Variants in CUL1 observed in about 807,000 individuals in gnomAD.
CUL1 encodes the protein cullin 1.
In CUL1, 24 loss-of-function variants were observed where a neutral mutation model predicts 118.0. The ratio of observed to expected loss-of-function variants is 0.20; its 90% confidence interval spans 0.15 to 0.29. The LOEUF (loss-of-function observed/expected upper bound fraction) is 0.29, where lower values mean the gene tolerates loss of function less well. Among genes scored for constraint, CUL1 ranks in the 10% least tolerant of loss-of-function variants. The pLI is 1.00. For synonymous variants in CUL1, 332 were observed against 340.4 expected, an observed-to-expected ratio of 0.98 and a Z score of 0.27; for missense variants, 361 against 933.8, an observed-to-expected ratio of 0.39 and a Z score of 7.99.
At chr7:148,757,715 T>A (rs1292420078) in intron 4 of CUL1, among the ~76,000 whole-genome samples, 1 of 152,148 alleles carries the variant, frequency 6.6e-6, no homozygotes, top group Admixed American at 6.5e-5. Flanking sequence ...TGAGACTGGG[T>A]AATTTATAAA....
rs34059323 is a variant in CUL1 at position 148,799,527 on chromosome 7, G to A, written c.2250+139G>A. The A allele has an allele frequency of 0.015, 9,488 of 623,132 alleles. 136 individuals are homozygous for A. Among genetic ancestry groups the A allele is most frequent in the Non-Finnish European group, 0.019 (6,681 of 354,850 alleles). The allele number at this position is 623,132 out of a possible 1,614,324, so 38.6% of individuals were successfully genotyped here. A position where few individuals can be genotyped will look rare whatever the true frequency, so the allele number is the denominator to read the frequency against. On this transcript the variant is annotated intron_variant, in intron 21 of 21. Transcript: ENST00000325222. ...ATGTAGATTTCTATAAAAGAAAGTC[G>A]GCTTCAGTTTAACTGTTGAAACACA...
At chr7:148,742,265 C>A (rs572085856) in intron 2 of CUL1, among the ~76,000 whole-genome samples, 1 of 152,140 alleles carries the variant, frequency 6.6e-6, no homozygotes, top group Admixed American at 6.5e-5. Flanking sequence ...AGAGGTTTAA[C>A]GGACTCAGAG....
chr7:148,765,974 G>T (rs1799990100), intron 7 of CUL1, among the ~76,000 whole-genome samples: 1 of 152,184 alleles, frequency 6.6e-6, no homozygotes, highest in African/African-American at 2.4e-5. Context: ...GGATCAAAAT[G>T]ATGTAAAGAC....
intron 9 of CUL1, among the ~76,000 whole-genome samples, chr7:148,769,407 A>T (rs1800129707): frequency 7.3e-6 from 1 of 136,608 alleles, no homozygotes; most frequent in East Asian, 2.2e-4. Flanking sequence ...TCACACACAC[A>T]CACACACACA....
intron 1 of CUL1, among the ~76,000 whole-genome samples, chr7:148,706,028 A>G (rs1414323578): frequency 1.3e-5 from 2 of 152,136 alleles, no homozygotes; most frequent in African/African-American, 4.8e-5. Context: ...GGATCATTTC[A>G]CCCCGACCTC....
At chr7:148,740,298 A>G (rs1368308525) in intron 2 of CUL1, among the ~76,000 whole-genome samples, 3 of 151,948 alleles carry the variant, frequency 2.0e-5, no homozygotes, top group African/African-American at 4.8e-5. Context: ...CCAGTAATCC[A>G]CCTACCTCGG....
chr7:148,760,100 C>T (rs1041358700), intron 6 of CUL1, among the ~76,000 whole-genome samples: 1 of 152,180 alleles, frequency 6.6e-6, no homozygotes. Context: ...AATTTTGAAG[C>T]ATACCTGGCC....
chr7:148,796,396 T>G (rs1316607673), intron 17 of CUL1, among the ~76,000 whole-genome samples: 1 of 152,208 alleles, frequency 6.6e-6, no homozygotes, highest in Non-Finnish European at 1.5e-5. Flanking sequence ...TGCATTTATA[T>G]TCATAAGGGA....
chr7:148,770,805 T>C (rs1386183190), intron 9 of CUL1, among the ~76,000 whole-genome samples: 1 of 152,358 alleles, frequency 6.6e-6, no homozygotes, highest in South Asian at 2.1e-4. Context: ...ACAAATACTT[T>C]TAAATAGGTT....
chr7:148,765,501 G>A (rs1799975855), intron 7 of CUL1, among the ~76,000 whole-genome samples: 1 of 152,130 alleles, frequency 6.6e-6, no homozygotes, highest in Non-Finnish European at 1.5e-5. Context: ...ATGGCGGCAT[G>A]CACCTGTAGT....
At chr7:148,722,030 T>C (rs568681058) in intron 1 of CUL1, among the ~76,000 whole-genome samples, 155 of 152,352 alleles carry the variant, frequency 1.0e-3, no homozygotes, top group African/African-American at 3.2e-3. Context: ...CTTAAAGTTT[T>C]AATAAGTTAT....
Position 148,799,447 on chromosome 7 carries a change from G to A in CUL1, c.2250+59G>A. 9 of 1,157,802 alleles carry A rather than the reference G, an allele frequency of 7.8e-6. No individual in the cohort carries two copies. In the Admixed American group the frequency reaches 9.6e-5, roughly 12 times the overall value. 71.7% of individuals were successfully genotyped at this position (1,157,802 alleles called of 1,614,324 possible). Reference sequence around the variant, plus strand: ...CTTAATTTAGAAGATAAAAGATGTAGCAAAAAGTGGATTGATTGCTGTAGC... The same window carrying A: ...CTTAATTTAGAAGATAAAAGATGTAACAAAAAGTGGATTGATTGCTGTAGC... On this transcript the variant is annotated intron_variant, in intron 21 of 21. Coordinates refer to ENST00000325222, the MANE Select transcript of CUL1 (RefSeq NM_003592.3).
intron 1 of CUL1, among the ~76,000 whole-genome samples, chr7:148,699,443 G>T (rs1327626848): frequency 2.0e-5 from 3 of 152,076 alleles, no homozygotes; most frequent in African/African-American, 7.2e-5. Context: ...CTCGCCTGGT[G>T]AGGCGACCTC....
intron 17 of CUL1, 55 bp from the exon 18 acceptor site, chr7:148,797,757 T>C: frequency 3.6e-6 from 5 of 1,400,600 alleles, no homozygotes; most frequent in East Asian, 4.6e-5. Context: ...GTGGTGGTTA[T>C]TGCAAAGAAA....
At chr7:148,725,367 G>C (rs1798544396) in intron 1 of CUL1, among the ~76,000 whole-genome samples, 1 of 152,200 alleles carries the variant, frequency 6.6e-6, no homozygotes, top group Admixed American at 6.5e-5. Flanking sequence ...TTGACTCCCA[G>C]TGTTAGCGCC....
chr7:148,699,455 G>A (rs1406210023), intron 1 of CUL1, among the ~76,000 whole-genome samples: 1 of 152,100 alleles, frequency 6.6e-6, no homozygotes, highest in South Asian at 2.1e-4. Flanking sequence ...GGCGACCTCC[G>A]CGGGACGCCG....
chr7:148,769,017 T>G (rs919551992), intron 9 of CUL1, among the ~76,000 whole-genome samples: 19 of 152,220 alleles, frequency 1.2e-4, no homozygotes, highest in African/African-American at 4.1e-4. Context: ...TAGTAAAAAC[T>G]TAAGTACAGA....
chr7:148,706,236 G>A (rs1797876626), intron 1 of CUL1, among the ~76,000 whole-genome samples: 1 of 152,140 alleles, frequency 6.6e-6, no homozygotes, highest in Non-Finnish European at 1.5e-5. Context: ...AAGACTTCTG[G>A]ACCCAAGCAT....
intron 1 of CUL1, among the ~76,000 whole-genome samples, chr7:148,702,155 A>G (rs1030196747): frequency 5.9e-5 from 9 of 152,220 alleles, no homozygotes; most frequent in Non-Finnish European, 1.0e-4. Flanking sequence ...TGTTTATAGG[A>G]GGTTTCCTGT....
Sources: gnomAD v4.1 joint callset for allele counts (sites outside exome capture counted in the v4.1 genomes callset) on GRCh38, gnomAD v4.1.1 for gene constraint, MANE v1.5 for transcripts, NCBI Gene and HGNC (gene_info 2026-07-23, HGNC 2026-07-21) for gene names.